IL27: variants seen among roughly 807,000 people sequenced by gnomAD.
IL27 encodes interleukin-27 subunit alpha.
In IL27, 11 loss-of-function variants were observed where a neutral mutation model predicts 27.0. The ratio of observed to expected loss-of-function variants is 0.41; its 90% confidence interval spans 0.26 to 0.67. The LOEUF is 0.67. Among genes scored for constraint, IL27 ranks in the 30% least tolerant of loss-of-function variants. The pLI, the probability that IL27 is intolerant of heterozygous loss-of-function variation, is 0.34. For missense variants in IL27, 299 were observed against 310.4 expected, an observed-to-expected ratio of 0.96 and a Z score of 0.28; for synonymous variants, 134 against 140.6, an observed-to-expected ratio of 0.95 and a Z score of 0.33.
intron 1 of IL27, among the ~76,000 whole-genome samples, chr16:28,505,990 T>G: frequency 6.6e-6 from 1 of 152,146 alleles, no homozygotes; most frequent in East Asian, 1.9e-4. Context: ...TCCCTGGTTT[T>G]GGGGCCACTC....
chr16:28,499,562 A>T lies in IL27; in HGVS notation c.*89T>A. 9.2e-7 allele frequency: 1 copy of T among 1,087,230 alleles called. No homozygotes were observed. The highest frequency in any genetic ancestry group is 1.3e-6 in the Non-Finnish European group (1 of 747,168). 67.3% of individuals were successfully genotyped at this position (1,087,230 alleles called of 1,614,324 possible). A position where few individuals can be genotyped will look rare whatever the true frequency, so the allele number is the denominator to read the frequency against. The stretch of plus-strand genomic sequence containing the variant: ...GGGCTGGAAGAGCCCTCCCTTGTCC[A>T]AGGCTGATGATGCGAAGGCTGCCCT... On this transcript the variant is annotated 3_prime_UTR_variant, in exon 5 of 5. Coordinates refer to ENST00000356897, the MANE Select transcript of IL27 (RefSeq NM_145659.3).
intron 1 of IL27, among the ~76,000 whole-genome samples, chr16:28,506,134 C>A (rs983858680): frequency 6.6e-6 from 1 of 152,142 alleles, no homozygotes; most frequent in African/African-American, 2.4e-5. Context: ...TCCAACCTGA[C>A]CTCTGGAGAC....
At chr16:28,500,824 G>A (rs777631810) in intron 4 of IL27, among the ~76,000 whole-genome samples, 3 of 152,072 alleles carry the variant, frequency 2.0e-5, no homozygotes, top group Non-Finnish European at 2.9e-5. Flanking sequence ...CTGTGTGTGC[G>A]CCTGCACACA....
rs775285948 is a variant in IL27, at chr16:28,502,002, C to T, written c.436G>A (p.Asp146Asn). 1.2e-6 allele frequency: 2 copies of T among 1,609,490 alleles called. No individual in the cohort carries two copies. The highest frequency in any genetic ancestry group is 1.7e-6 in the Non-Finnish European group (2 of 1,179,054). ...QLWAMRLDLR[D>N]LQRHLRFQVL... ...TGGAAGCGGAGGTGCCGCTGCAGAT[C>T]GCGGAGGTCCAGCCTCATGGCCCAC... Residue 146 changes from aspartate to asparagine, a missense_variant, in exon 4 of 5, where the codon GAT (aspartate) becomes AAT (asparagine). Asp to Asn is a conservative substitution (Grantham distance 23). Transcript: ENST00000356897.
At chr16:28,500,479 T>G (rs1176426666) in intron 4 of IL27, among the ~76,000 whole-genome samples, 1 of 152,062 alleles carries the variant, frequency 6.6e-6, no homozygotes, top group Non-Finnish European at 1.5e-5. Context: ...TTTACCATGT[T>G]GGCCAGGCTG....
At chr16:28,500,840 ACACT>A (rs540030600) in intron 4 of IL27, among the ~76,000 whole-genome samples, 125 of 152,236 alleles carry the variant, frequency 8.2e-4, no homozygotes, top group African/African-American at 2.4e-3. Context: ...ACACACGCAC[ACACT>A]CACACACATA....
chr16:28,501,396 A>C (rs991640449), intron 4 of IL27, among the ~76,000 whole-genome samples: 2 of 151,416 alleles, frequency 1.3e-5, no homozygotes, highest in Non-Finnish European at 2.9e-5. Context: ...ACCTACACAC[A>C]CACGGTCACG....
rs748703179 is a variant in IL27, at chr16:28,499,854, T to TCTCCTC, written c.523_528dup (p.Glu175_Glu176dup). ...AGTGCCCCTGGGAGCAGCCCCTTCCTCTCCTCCTCCTCCTCCTCCTCTTCC... is the reference window on the plus strand; with the variant it reads ...AGTGCCCCTGGGAGCAGCCCCTTCCTCTCCTCCTCCTCCTCCTCCTCCTCCTCTTCC... On this transcript the variant is annotated inframe_insertion, in exon 5 of 5. Transcript: ENST00000356897. 2.7e-5 allele frequency: 41 copies of TCTCCTC among 1,535,886 alleles called. No individual in the cohort carries two copies. In the Middle Eastern group the frequency reaches 3.9e-3, roughly 145 times the overall value.
chr16:28,501,699 TCA>T (rs555737536), intron 4 of IL27, among the ~76,000 whole-genome samples: 42 of 145,888 alleles, frequency 2.9e-4, no homozygotes, highest in East Asian at 2.2e-3. Context: ...CCACATGCAC[TCA>T]CAGTCACTCC....
In IL27 at chr16:28,501,266, C is replaced by A. The variant is rs1049482108; in HGVS notation, c.462+710G>T. On this transcript the variant is annotated intron_variant, in intron 4 of 4. Coordinates refer to ENST00000356897, the MANE Select transcript of IL27 (RefSeq NM_145659.3). ...TCCTCACACACTGACATACCTATACCCAAACTCTCACCCACACACCTCACT... is the reference window on the plus strand; with the variant it reads ...TCCTCACACACTGACATACCTATACACAAACTCTCACCCACACACCTCACT... 1.2e-4 allele frequency among the ~76,000 whole-genome samples: 18 copies of A among 151,464 alleles called. 1 individual carries two copies. The highest frequency in any genetic ancestry group is 3.9e-4 in the African/African-American group (16 of 41,208).
chr16:28,505,414 G>A (rs2046455805), intron 1 of IL27, among the ~76,000 whole-genome samples: 1 of 151,952 alleles, frequency 6.6e-6, no homozygotes, highest in Non-Finnish European at 1.5e-5. Context: ...TCGACTCACT[G>A]CAACCTTCAC....
In IL27 at chr16:28,506,763, C is replaced by A. The variant is rs1020890907; in HGVS notation, c.31+18G>T. 1 of 1,610,610 alleles carries A rather than the reference C, an allele frequency of 6.2e-7. No homozygotes were observed. Among genetic ancestry groups the A allele is most frequent in the Non-Finnish European group, 8.5e-7 (1 of 1,178,506 alleles). On this transcript the variant is annotated intron_variant, in intron 1 of 4. Transcript: ENST00000356897. ...GCCCAAACTCAACCAAGCCCCCCAC[C>A]CCTGGCTTCAAACTCACGCCAGCCA...
chr16:28,499,707 T>G lies in IL27; in HGVS notation c.676A>C (p.Lys226Gln). The stretch of plus-strand genomic sequence containing the variant: ...AAGGGCCAGACTGAGTGCCCAGCCT[T>G]GGACAGCAGCAGCAACTCCCGCACG... ...RAVRELLLLS[K>Q]AGHSVWPLGF... is the part of the protein sequence containing the mutation. The change falls in exon 5 of 5, where the codon AAG becomes CAG. Residue 226 changes from lysine to glutamine, a missense_variant. Physicochemically the swap from Lys to Gln is moderately conservative, Grantham distance 53. Transcript: ENST00000356897. 6.2e-7 allele frequency: 1 copy of G among 1,613,496 alleles called. No homozygotes were observed. The highest frequency in any genetic ancestry group is 8.5e-7 in the Non-Finnish European group (1 of 1,179,834).
rs2046419253 is a variant in IL27, at chr16:28,499,694, G to C, written c.689C>G (p.Ser230Ter). Residue 230 changes from serine to a stop codon, truncating the protein, a stop_gained, in exon 5 of 5, where the codon TCA (serine) becomes TGA (stop). Coordinates refer to ENST00000356897, the MANE Select transcript of IL27 (RefSeq NM_145659.3). LOFTEE classifies it high-confidence loss of function. Reference sequence around the variant, plus strand: ...TGTTGGGAACCCCAAGGGCCAGACTGAGTGCCCAGCCTTGGACAGCAGCAG... The same window carrying C: ...TGTTGGGAACCCCAAGGGCCAGACTCAGTGCCCAGCCTTGGACAGCAGCAG... ...ELLLLSKAGH[S>*]VWPLGFPTLS... 1 of 1,613,354 alleles carries C rather than the reference G, an allele frequency of 6.2e-7. No homozygotes were observed. Among genetic ancestry groups the C allele is most frequent in the Admixed American group, 1.7e-5 (1 of 59,920 alleles).
chr16:28,505,928 G>T (rs2046458588), intron 1 of IL27, among the ~76,000 whole-genome samples: 1 of 152,104 alleles, frequency 6.6e-6, no homozygotes, highest in South Asian at 2.1e-4. Flanking sequence ...CTCCCTCGTG[G>T]GCTTGCAGAT....
chr16:28,501,333 C>T (rs1216556211), intron 4 of IL27, among the ~76,000 whole-genome samples: 1 of 151,886 alleles, frequency 6.6e-6, no homozygotes, highest in Non-Finnish European at 1.5e-5. Context: ...CACCCACACA[C>T]TCCCACACTC....
At chr16:28,504,180 T>G in intron 1 of IL27, 130 bp from the exon 2 acceptor site, 1 of 940,462 alleles carries the variant, frequency 1.1e-6, no homozygotes, top group Non-Finnish European at 1.6e-6. Context: ...CTCTGCCTCC[T>G]CAAAACCACA....
intron 1 of IL27, among the ~76,000 whole-genome samples, chr16:28,505,901 C>T (rs2046458371): frequency 1.3e-5 from 2 of 152,140 alleles, no homozygotes. Flanking sequence ...TGAAGGGGAG[C>T]TTCTAGGGAC....
intron 3 of IL27, among the ~76,000 whole-genome samples, chr16:28,502,885 C>T (rs541351584): frequency 3.8e-4 from 58 of 152,248 alleles, no homozygotes; most frequent in African/African-American, 9.9e-4. Context: ...TGCAGTGGCG[C>T]GATCTCATCT....
Sources: gnomAD v4.1 joint callset for allele counts (sites outside exome capture counted in the v4.1 genomes callset) on GRCh38, gnomAD v4.1.1 for gene constraint, MANE v1.5 for transcripts, NCBI Gene and HGNC (gene_info 2026-07-23, HGNC 2026-07-21) for gene names.